The following IL1RAPL1 variants were observed in gnomAD, a reference collection of about 807,000 sequenced individuals.
The protein encoded by IL1RAPL1 is interleukin 1 receptor accessory protein like 1.
A neutral mutation model predicts 48.4 loss-of-function variants in IL1RAPL1; 3 were observed. The observed-to-expected ratio is 0.06, with a 90% CI of 0.03 to 0.16. IL1RAPL1 has a LOEUF of 0.16. Ranked by LOEUF, IL1RAPL1 falls within the 10% of genes least tolerant of loss-of-function variation. The probability of loss-of-function intolerance (pLI) is 1.00; values close to 1 mark genes in which losing one functional copy is unlikely to be tolerated. For missense variants in IL1RAPL1, 349 were observed against 530.6 expected (o/e 0.66, Z 3.36); for synonymous variants, 185 against 187.7 (o/e 0.99, Z 0.12).
At chrX:29,866,423 A>C (rs1232639925) in intron 6 of IL1RAPL1, among the ~76,000 whole-genome samples, 1 of 110,712 alleles carries the variant, frequency 9.0e-6, no homozygotes, top group Non-Finnish European at 1.9e-5. Context: ...AAATCAGAGT[A>C]AGGGAACAGG....
At chrX:28,830,911 G>A (rs772457473) in intron 2 of IL1RAPL1, among the ~76,000 whole-genome samples, 29 of 106,691 alleles carry the variant, frequency 2.7e-4, no homozygotes, top group African/African-American at 9.3e-4. Context: ...ATATCTTCTT[G>A]GCTAATTCAT....
At chrX:28,668,546 C>A (rs897425141) in intron 1 of IL1RAPL1, among the ~76,000 whole-genome samples, 33 of 113,588 alleles carry the variant, frequency 2.9e-4, no homozygotes, top group African/African-American at 1.0e-3. Context: ...GCGTGAGCCA[C>A]CGCACCCGGC....
At chrX:29,805,961 TTATA>T (rs1930245787) in intron 6 of IL1RAPL1, among the ~76,000 whole-genome samples, 1 of 107,208 alleles carries the variant, frequency 9.3e-6, no homozygotes, top group Admixed American at 1.0e-4. Context: ...AATCTATAGA[TTATA>T]TATAATATAT....
In IL1RAPL1 at chrX:28,986,682, T is replaced by C. The variant is rs1285290277; in HGVS notation, c.82+197257T>C. ...TTTTCTTGCTGTTGTCGAAAATGAG[T>C]ATTTTATATTGTTTTCTTTTTAAAA... On this transcript the variant is annotated intron_variant, in intron 2 of 10. Transcript: ENST00000378993. Among the ~76,000 whole-genome samples, 5 of 112,046 alleles carry C rather than the reference T, an allele frequency of 4.5e-5. No individual in the cohort carries two copies. The Admixed American group carries it at 4.7e-4, about 11-fold the overall frequency.
At chrX:28,825,797 G>T in intron 2 of IL1RAPL1, among the ~76,000 whole-genome samples, 1 of 111,174 alleles carries the variant, frequency 9.0e-6, no homozygotes, top group Admixed American at 9.6e-5. Flanking sequence ...CTATTTTTTT[G>T]AATATAGTAG....
At chrX:29,155,404 A>G (rs1484800640) in intron 2 of IL1RAPL1, among the ~76,000 whole-genome samples, 1 of 112,003 alleles carries the variant, frequency 8.9e-6, no homozygotes, top group African/African-American at 3.2e-5. Flanking sequence ...TTTGCACTGA[A>G]TAAGCTCTGG....
At chrX:28,877,413 C>T (rs750780206) in intron 2 of IL1RAPL1, among the ~76,000 whole-genome samples, 2 of 112,120 alleles carry the variant, frequency 1.8e-5, no homozygotes, top group African/African-American at 6.5e-5. Context: ...GATTATTTTG[C>T]AATCCTGCCA....
At chrX:29,642,576 A>G (rs891125247) in intron 5 of IL1RAPL1, among the ~76,000 whole-genome samples, 2 of 112,505 alleles carry the variant, frequency 1.8e-5, no homozygotes, top group Non-Finnish European at 3.7e-5. Context: ...TGCCTTCTCT[A>G]ATAGTATTGG....
intron 2 of IL1RAPL1, among the ~76,000 whole-genome samples, chrX:28,834,239 A>C (rs1400341142): frequency 9.0e-6 from 1 of 110,550 alleles, no homozygotes; most frequent in Non-Finnish European, 1.9e-5. Flanking sequence ...AACTTCATAT[A>C]AATGGAATTA....
At chrX:28,814,730 A>G (rs915239076) in intron 2 of IL1RAPL1, among the ~76,000 whole-genome samples, 4 of 107,981 alleles carry the variant, frequency 3.7e-5, no homozygotes, top group African/African-American at 6.7e-5. Flanking sequence ...ACTGTTTTCT[A>G]TGCATTTGTT....
chrX:28,829,846 C>T (rs1921004009), intron 2 of IL1RAPL1, among the ~76,000 whole-genome samples: 1 of 110,680 alleles, frequency 9.0e-6, no homozygotes, highest in African/African-American at 3.3e-5. Context: ...GCGTGAGCCA[C>T]CGTGCCCGGC....
chrX:28,615,972 C>T (rs1438625106), intron 1 of IL1RAPL1, among the ~76,000 whole-genome samples: 1 of 111,810 alleles, frequency 8.9e-6, no homozygotes, highest in Non-Finnish European at 1.9e-5. Flanking sequence ...TGTTTAAGGC[C>T]ATATTCACTG....
Position 29,678,524 on chromosome X carries a change from T to TTG in IL1RAPL1, c.778+10040_778+10041dup, listed in dbSNP as rs111394018. 1.7e-3 allele frequency among the ~76,000 whole-genome samples: 169 copies of TTG among 101,045 alleles called. 2 individuals are homozygous for TTG. The East Asian group carries it at 0.025, about 15-fold the overall frequency. The allele number at this position is 101,045 out of a possible 115,157, so 87.7% of individuals were successfully genotyped here. A position where few individuals can be genotyped will look rare whatever the true frequency, so the allele number is the denominator to read the frequency against. On this transcript the variant is annotated intron_variant, in intron 6 of 10. Coordinates refer to ENST00000378993, the MANE Select transcript of IL1RAPL1 (RefSeq NM_014271.4). ...CACCCGCCACCACGCCTGGCTAATT[T>TTG]TGTGTGTGTGTGTGTGTGTGTTTTT... is the stretch of plus-strand genomic sequence containing the variant.
chrX:29,019,075 C>T (rs1379023970), intron 2 of IL1RAPL1, among the ~76,000 whole-genome samples: 2 of 111,446 alleles, frequency 1.8e-5, no homozygotes, highest in Non-Finnish European at 3.8e-5. Context: ...AGTGAAGGGG[C>T]AAGCTCCTCA....
At chrX:29,579,272 T>C (rs1922881652) in intron 5 of IL1RAPL1, among the ~76,000 whole-genome samples, 1 of 111,871 alleles carries the variant, frequency 8.9e-6, no homozygotes, top group African/African-American at 3.2e-5. Context: ...TCTTTGACAA[T>C]AACCTGTTGA....
intron 2 of IL1RAPL1, among the ~76,000 whole-genome samples, chrX:29,138,775 TAA>T (rs751624483): frequency 3.9e-4 from 26 of 67,318 alleles, no homozygotes; most frequent in East Asian, 8.5e-4. Flanking sequence ...AGACTCCATC[TAA>T]AAAAAAAAAA....
intron 6 of IL1RAPL1, among the ~76,000 whole-genome samples, chrX:29,717,203 TACACACACACACACAC>T (rs61417683): frequency 1.0e-5 from 1 of 95,548 alleles, no homozygotes; most frequent in Middle Eastern, 5.2e-3. Flanking sequence ...AGAGCCAGAT[TACACACACACACACAC>T]ACACACACAC....
intron 2 of IL1RAPL1, among the ~76,000 whole-genome samples, chrX:28,855,992 T>C (rs1601933064): frequency 8.9e-6 from 1 of 112,153 alleles, no homozygotes; most frequent in East Asian, 2.8e-4. Flanking sequence ...GAATATTTAA[T>C]ACAAAATCTC....
intron 2 of IL1RAPL1, among the ~76,000 whole-genome samples, chrX:29,248,744 G>A (rs975996546): frequency 8.9e-6 from 1 of 112,164 alleles, no homozygotes. Flanking sequence ...AGGCAAGTCA[G>A]CAATACCTAT....
Sources: gnomAD v4.1 joint callset for allele counts (sites outside exome capture counted in the v4.1 genomes callset) on GRCh38, gnomAD v4.1.1 for gene constraint, MANE v1.5 for transcripts, NCBI Gene and HGNC (gene_info 2026-07-23, HGNC 2026-07-21) for gene names.